PHEX: variants seen among roughly 807,000 people sequenced by gnomAD.
PHEX encodes phosphate-regulating neutral endopeptidase PHEX.
A neutral mutation model predicts 68.0 loss-of-function variants in PHEX; 16 were observed. The observed-to-expected ratio is 0.24, with a 90% CI of 0.16 to 0.36. The LOEUF (loss-of-function observed/expected upper bound fraction) is 0.36. Among genes scored for constraint, PHEX ranks in the 10% least tolerant of loss-of-function variants. PHEX has a pLI of 1.00. For missense variants in PHEX, 480 were observed against 575.5 expected (o/e 0.83, Z 1.70); for synonymous variants, 208 against 205.1 (o/e 1.01, Z -0.12).
intron 2 of PHEX, 121 bp downstream of exon 2, chrX:22,038,658 AT>A: frequency 1.8e-6 from 1 of 553,368 alleles, no homozygotes; most frequent in Non-Finnish European, 3.2e-6. Flanking sequence ...ACGAAATGCA[AT>A]TTTGAAGAAA....
chrX:22,106,706 C>T (rs895081416), intron 9 of PHEX, among the ~76,000 whole-genome samples: 3 of 102,563 alleles, frequency 2.9e-5, no homozygotes, highest in African/African-American at 1.1e-4. Context: ...CCTAGGAGAT[C>T]GAGGCTGTAG....
chrX:22,223,977 G>A (rs764482229), intron 18 of PHEX, among the ~76,000 whole-genome samples: 11 of 112,191 alleles, frequency 9.8e-5, no homozygotes, highest in Non-Finnish European at 2.1e-4. Context: ...CCAAGAAGGG[G>A]TTCCTTAGGT....
intron 20 of PHEX, among the ~76,000 whole-genome samples, chrX:22,244,269 A>G (rs1320341089): frequency 1.8e-5 from 2 of 110,322 alleles, no homozygotes; most frequent in Non-Finnish European, 3.8e-5. Flanking sequence ...AACATCACAC[A>G]CCAGGGCCTG....
intron 15 of PHEX, among the ~76,000 whole-genome samples, chrX:22,195,085 A>G (rs1241061297): frequency 3.6e-5 from 4 of 111,320 alleles, no homozygotes; most frequent in African/African-American, 6.5e-5. Context: ...CCAGACCCCT[A>G]TTGTCCTGTC....
intron 15 of PHEX, among the ~76,000 whole-genome samples, chrX:22,211,763 T>C (rs764551038): frequency 8.9e-6 from 1 of 112,455 alleles, no homozygotes; most frequent in Admixed American, 9.4e-5. Context: ...AGAGGTTTAA[T>C]GGACTTACAG....
intron 11 of PHEX, among the ~76,000 whole-genome samples, chrX:22,119,217 C>CCT (rs1033142688): frequency 4.7e-4 from 53 of 111,887 alleles, no homozygotes; most frequent in Admixed American, 2.1e-3. Context: ...ACATTTTCTC[C>CCT]CTCCTTACCT....
intron 18 of PHEX, among the ~76,000 whole-genome samples, chrX:22,224,134 C>T (rs1312954138): frequency 1.8e-5 from 2 of 111,414 alleles, no homozygotes; most frequent in African/African-American, 3.3e-5. Flanking sequence ...AGGTGCCAGC[C>T]ACCACGCCTG....
At chrX:22,108,775 G>T in intron 9 of PHEX, among the ~76,000 whole-genome samples, 1 of 110,475 alleles carries the variant, frequency 9.1e-6, no homozygotes, top group East Asian at 2.8e-4. Context: ...AACCCCATCA[G>T]TACTAAAAAT....
Position 22,092,711 on chromosome X carries a change from A to C in PHEX, c.733-1272A>C, listed in dbSNP as rs769107029. ...TGAATTGAATTAGGAATAGCAAAAT[A>C]TTATTTCTATTTAAGACTTCTTTTC... is the stretch of plus-strand genomic sequence containing the variant. On this transcript the variant is annotated intron_variant, in intron 6 of 21. Coordinates refer to ENST00000379374, the MANE Select transcript of PHEX (RefSeq NM_000444.6). 1.5e-3 allele frequency among the ~76,000 whole-genome samples: 151 copies of C among 99,177 alleles called. 1 individual carries two copies. The highest frequency in any genetic ancestry group is 5.7e-3 in the African/African-American group (149 of 26,157). The allele number at this position is 99,177 out of a possible 115,157, so 86.1% of individuals were successfully genotyped here.
intron 3 of PHEX, among the ~76,000 whole-genome samples, chrX:22,070,535 A>T (rs1928853534): frequency 9.0e-6 from 1 of 111,682 alleles, no homozygotes; most frequent in Non-Finnish European, 1.9e-5. Flanking sequence ...AAATAAAACA[A>T]TTAGCCACGG....
chrX:22,057,477 A>G (rs1178569328), intron 3 of PHEX, among the ~76,000 whole-genome samples: 2 of 110,857 alleles, frequency 1.8e-5, no homozygotes, highest in Non-Finnish European at 3.8e-5. Context: ...CTGTAGTCCC[A>G]GCTACTCAGG....
intron 1 of PHEX, among the ~76,000 whole-genome samples, chrX:22,036,233 T>C (rs1354893726): frequency 9.3e-6 from 1 of 107,020 alleles, no homozygotes; most frequent in East Asian, 2.9e-4. Context: ...CTAAGATTTG[T>C]ATTTTTAGTA....
chrX:22,073,818 T>A (rs1027844058), intron 3 of PHEX, among the ~76,000 whole-genome samples: 7 of 109,289 alleles, frequency 6.4e-5, no homozygotes, highest in Middle Eastern at 4.7e-3. Flanking sequence ...TTTTGTATTA[T>A]TAGTAGAGGT....
chrX:22,058,435 C>T (rs1928215061), intron 3 of PHEX, among the ~76,000 whole-genome samples: 1 of 112,453 alleles, frequency 8.9e-6, no homozygotes, highest in African/African-American at 3.2e-5. Flanking sequence ...ATAAAAATAA[C>T]TTAGAAGAAG....
intron 11 of PHEX, among the ~76,000 whole-genome samples, chrX:22,126,315 A>C (rs191270301): frequency 1.3e-3 from 142 of 112,105 alleles, no homozygotes; most frequent in African/African-American, 4.1e-3. Flanking sequence ...TAAGCCTCAC[A>C]GGAACTCAGA....
chrX:22,085,060 G>A (rs1270669783), intron 5 of PHEX, among the ~76,000 whole-genome samples: 2 of 110,559 alleles, frequency 1.8e-5, no homozygotes, highest in Non-Finnish European at 3.8e-5. Flanking sequence ...CTAGTTCCTT[G>A]AGTTGTATCA....
intron 9 of PHEX, among the ~76,000 whole-genome samples, chrX:22,105,781 G>A (rs1402040328): frequency 8.9e-6 from 1 of 111,931 alleles, no homozygotes; most frequent in Non-Finnish European, 1.9e-5. Flanking sequence ...GGTATTTTAT[G>A]ATCTCTTAAA....
chrX:22,142,176 C>T (rs986834994), intron 12 of PHEX, among the ~76,000 whole-genome samples: 13 of 111,731 alleles, frequency 1.2e-4, no homozygotes, highest in Admixed American at 6.7e-4. Flanking sequence ...CGCTTGAACC[C>T]GGAAGGCGGA....
chrX:22,213,845 T>C (rs751697630), intron 16 of PHEX, among the ~76,000 whole-genome samples: 1 of 112,502 alleles, frequency 8.9e-6, no homozygotes, highest in Non-Finnish European at 1.9e-5. Context: ...ATGTTGGCAA[T>C]GTTTTCATTT....
Sources: allele counts gnomAD v4.1 joint callset (sites outside exome capture counted in the v4.1 genomes callset), GRCh38; gene constraint gnomAD v4.1.1; transcripts MANE v1.5; gene names NCBI Gene and HGNC (gene_info 2026-07-23, HGNC 2026-07-21).